Variants in EDIL3 observed in about 807,000 individuals in gnomAD.
The protein encoded by EDIL3 is EGF like and discoidin domains 3.
In EDIL3, 37 loss-of-function variants were observed where a neutral mutation model predicts 67.4. That is an observed-to-expected ratio of 0.55 (90% CI 0.42 to 0.72). The LOEUF (loss-of-function observed/expected upper bound fraction) is 0.72. Among genes scored for constraint, EDIL3 ranks in the 30% least tolerant of loss-of-function variants. The pLI, the probability that EDIL3 is intolerant of heterozygous loss-of-function variation, is 0.00. For synonymous variants in EDIL3, 195 were observed against 196.3 expected, an observed-to-expected ratio of 0.99 and a Z score of 0.05; for missense variants, 527 against 586.3, an observed-to-expected ratio of 0.90 and a Z score of 1.04.
At chr5:84,274,221 G>A (rs1246742964) in intron 1 of EDIL3, among the ~76,000 whole-genome samples, 1 of 151,886 alleles carries the variant, frequency 6.6e-6, no homozygotes, top group Non-Finnish European at 1.5e-5. Flanking sequence ...ATTCTCCTTA[G>A]CCTCCCAAGT....
At chr5:84,377,080 A>C (rs377250732) in intron 1 of EDIL3, among the ~76,000 whole-genome samples, 2 of 152,178 alleles carry the variant, frequency 1.3e-5, no homozygotes, top group African/African-American at 4.8e-5. Flanking sequence ...TAATCCCAGC[A>C]CTTTGGGAGG....
chr5:84,227,291 T>C (rs907327408), intron 3 of EDIL3, among the ~76,000 whole-genome samples: 1 of 151,778 alleles, frequency 6.6e-6, no homozygotes, highest in Non-Finnish European at 1.5e-5. Context: ...CAGACACTTA[T>C]CAAAAGAAGA....
chr5:84,133,464 C>CTAAAAAAAAAAAAA (rs1748031717), intron 5 of EDIL3, among the ~76,000 whole-genome samples: 1 of 86,538 alleles, frequency 1.2e-5, no homozygotes, highest in African/African-American at 4.4e-5. Flanking sequence ...ACTAAAAATA[C>CTAAAAAAAAAAAAA]AAAAAAAAAA....
intron 1 of EDIL3, among the ~76,000 whole-genome samples, chr5:84,336,686 G>C (rs1172574459): frequency 6.6e-6 from 1 of 152,096 alleles, no homozygotes; most frequent in Non-Finnish European, 1.5e-5. Context: ...GTGAATGGTG[G>C]TGTCTTTAAC....
intron 3 of EDIL3, among the ~76,000 whole-genome samples, chr5:84,186,928 T>G (rs1743467461): frequency 6.6e-6 from 1 of 152,068 alleles, no homozygotes; most frequent in South Asian, 2.1e-4. Flanking sequence ...CATTAGGGCA[T>G]ACAGAAGAAG....
chr5:84,040,131 T>C (rs1302422902), intron 9 of EDIL3, among the ~76,000 whole-genome samples: 2 of 152,204 alleles, frequency 1.3e-5, no homozygotes, highest in African/African-American at 4.8e-5. Context: ...AGAAGGGGTT[T>C]GAACCCAGAA....
chr5:84,314,952 G>A (rs1162436945), intron 1 of EDIL3, among the ~76,000 whole-genome samples: 1 of 152,018 alleles, frequency 6.6e-6, no homozygotes, highest in Non-Finnish European at 1.5e-5. Flanking sequence ...TGTAGGAATA[G>A]GGTAATAGGA....
At chr5:84,233,718 GT>G (rs1429342997) in intron 2 of EDIL3, among the ~76,000 whole-genome samples, 4 of 152,094 alleles carry the variant, frequency 2.6e-5, no homozygotes, top group African/African-American at 9.7e-5. Flanking sequence ...GTGTATTTAG[GT>G]GGGGAGAGGC....
At chr5:84,175,271 T>A (rs767023994) in intron 4 of EDIL3, among the ~76,000 whole-genome samples, 1 of 152,162 alleles carries the variant, frequency 6.6e-6, no homozygotes, top group Non-Finnish European at 1.5e-5. Context: ...AAGTAAGAAT[T>A]AATGATAAGA....
At chr5:83,984,747 G>A (rs895007038) in intron 9 of EDIL3, among the ~76,000 whole-genome samples, 2 of 151,996 alleles carry the variant, frequency 1.3e-5, no homozygotes, top group South Asian at 2.1e-4. Context: ...TGAGGGTCCC[G>A]AAAGACAGGG....
chr5:84,057,169 C>G lies in EDIL3; in HGVS notation c.1137+3131G>C, dbSNP rs145367065. On this transcript the variant is annotated intron_variant, in intron 9 of 10. Transcript: ENST00000296591. ...AGAAGAACTACTCCTTGAATTAACA[C>G]AAAGTCTATTATGAACACAATGAAT... 7.3e-3 allele frequency among the ~76,000 whole-genome samples: 1,112 copies of G among 152,226 alleles called. 17 individuals are homozygous for G. Among genetic ancestry groups the G allele is most frequent in the African/African-American group, 0.026 (1,068 of 41,542 alleles).
rs751035642 is a variant in EDIL3, at chr5:84,254,176, C to T, written c.104G>A (p.Gly35Asp). The change falls in exon 2 of 11, where the codon GGT becomes GAT. Residue 35 changes from glycine to aspartate, a missense_variant. Gly to Asp is a moderately conservative substitution (Grantham distance 94). Coordinates refer to ENST00000296591, the MANE Select transcript of EDIL3 (RefSeq NM_005711.5). ...ICDPNPCENG[G>D]ICLPGLADGS... ...ATCAGCCAATCCTGGCAAACAGATA[C>T]CTCCATTTTCACATGGATTGGGATC... The T allele has an allele frequency of 5.0e-6, 8 of 1,612,276 alleles. No homozygotes were observed. Among genetic ancestry groups the T allele is most frequent in the African/African-American group, 2.7e-5 (2 of 74,824 alleles).
chr5:84,310,381 C>G (rs1746360663), intron 1 of EDIL3, among the ~76,000 whole-genome samples: 1 of 152,096 alleles, frequency 6.6e-6, no homozygotes, highest in Admixed American at 6.5e-5. Flanking sequence ...GTTTCGAGCC[C>G]TGCTGTCATT....
chr5:84,062,394 T>C (rs756609325), intron 8 of EDIL3, among the ~76,000 whole-genome samples: 15 of 152,086 alleles, frequency 9.9e-5, no homozygotes, highest in Admixed American at 4.6e-4. Flanking sequence ...AGAGGAAAGA[T>C]AGTTGTTTCC....
intron 1 of EDIL3, among the ~76,000 whole-genome samples, chr5:84,268,296 T>C (rs1164793045): frequency 1.3e-5 from 2 of 152,156 alleles, no homozygotes; most frequent in East Asian, 1.9e-4. Context: ...AAGAGCTTTT[T>C]TTCCTGTTGT....
At chr5:84,251,947 A>C (rs545296633) in intron 2 of EDIL3, among the ~76,000 whole-genome samples, 2 of 152,224 alleles carry the variant, frequency 1.3e-5, no homozygotes, top group Non-Finnish European at 2.9e-5. Flanking sequence ...TAAAAAATAT[A>C]GCTTAAAATA....
chr5:84,229,764 A>G (rs72776563), intron 3 of EDIL3, 91 bp downstream of exon 3: 37,812 of 1,371,636 alleles, frequency 0.028, 666 homozygotes, highest in Non-Finnish European at 0.03. Flanking sequence ...TTCTGGTTGA[A>G]ATCTGAAAAA....
chr5:84,260,323 T>C (rs978188116), intron 1 of EDIL3, among the ~76,000 whole-genome samples: 2 of 152,164 alleles, frequency 1.3e-5, no homozygotes, highest in East Asian at 1.9e-4. Flanking sequence ...AAGAGCATTC[T>C]AGGCACAGGG....
At chr5:84,107,599 A>G (rs1338917701) in intron 5 of EDIL3, among the ~76,000 whole-genome samples, 3 of 151,524 alleles carry the variant, frequency 2.0e-5, no homozygotes, top group African/African-American at 7.2e-5. Flanking sequence ...CACATTTGCA[A>G]CTGAGAAACT....
Sources: allele counts gnomAD v4.1 joint callset (sites outside exome capture counted in the v4.1 genomes callset), GRCh38; gene constraint gnomAD v4.1.1; transcripts MANE v1.5; gene names NCBI Gene and HGNC (gene_info 2026-07-23, HGNC 2026-07-21).